SYTL5: variants seen among roughly 807,000 people sequenced by gnomAD.
SYTL5 encodes synaptotagmin-like protein 5.
In SYTL5, 34 loss-of-function variants were observed where a neutral mutation model predicts 55.9. The ratio of observed to expected loss-of-function variants is 0.61; its 90% CI spans 0.46 to 0.81. The LOEUF (loss-of-function observed/expected upper bound fraction) is 0.81. Ranked by LOEUF, SYTL5 falls within the 30% of genes least tolerant of loss-of-function variation. The probability of loss-of-function intolerance (pLI) is 0.00; values close to 1 mark genes in which losing one functional copy is unlikely to be tolerated. For synonymous variants in SYTL5, 221 were observed against 188.7 expected (o/e 1.17, Z -1.40); for missense variants, 637 against 546.7 (o/e 1.17, Z -1.65).
At chrX:38,122,030 A>ATTTTTTTTTTT in intron 14 of SYTL5, 50 bp from the exon 15 acceptor site, 1 of 1,054,784 alleles carries the variant, frequency 9.5e-7, no homozygotes, top group African/African-American at 1.9e-5. Flanking sequence ...TGATTTATCT[A>ATTTTTTTTTTT]TTTTTTTTTC....
chrX:37,896,971 G>C, the SYTL5 span, among the ~76,000 whole-genome samples: 102 of 111,865 alleles, frequency 9.1e-4, no homozygotes, highest in East Asian at 0.028. Context: ...GTGTGTAGAG[G>C]AGGGGCTGTT....
At chrX:37,990,943 T>C in the SYTL5 span, 1 of 1,211,678 alleles carries the variant, frequency 8.3e-7, no homozygotes, top group Non-Finnish European at 1.1e-6. Flanking sequence ...GTGGACCGCG[T>C]TGTGCAAGAT....
the SYTL5 span, among the ~76,000 whole-genome samples, chrX:37,954,541 C>T: frequency 8.9e-6 from 1 of 111,831 alleles, no homozygotes; most frequent in African/African-American, 3.2e-5. Flanking sequence ...TTACTTATTT[C>T]TGGCATTCTG....
chrX:38,090,600 TACAA>T (rs1269298894), intron 7 of SYTL5, among the ~76,000 whole-genome samples: 1 of 112,233 alleles, frequency 8.9e-6, no homozygotes, highest in Non-Finnish European at 1.9e-5. Flanking sequence ...GTTCATACAA[TACAA>T]ACAATTATTT....
chrX:37,960,810 A>ATTTATTTTTTTTATTTT, the SYTL5 span, among the ~76,000 whole-genome samples: 4 of 88,565 alleles, frequency 4.5e-5, no homozygotes, highest in African/African-American at 1.6e-4. Context: ...TTATTTATTT[A>ATTTATTTTTTTTATTTT]TTTGAGATGG....
At chrX:37,925,251 A>G in the SYTL5 span, among the ~76,000 whole-genome samples, 15 of 111,972 alleles carry the variant, frequency 1.3e-4, no homozygotes, top group Admixed American at 7.6e-4. Flanking sequence ...TCTATTGTGT[A>G]TATATACCAC....
At chrX:37,985,621 A>AACAT in the SYTL5 span, among the ~76,000 whole-genome samples, 3 of 110,432 alleles carry the variant, frequency 2.7e-5, no homozygotes, top group Admixed American at 1.9e-4. Flanking sequence ...CTACAGATTT[A>AACAT]ACATAATCCA....
chrX:38,015,985 G>T (rs1386049530), intron 1 of SYTL5, among the ~76,000 whole-genome samples: 1 of 111,320 alleles, frequency 9.0e-6, no homozygotes, highest in Non-Finnish European at 1.9e-5. Context: ...ACAAATCACT[G>T]GGGGACCTTG....
the SYTL5 span, among the ~76,000 whole-genome samples, chrX:37,901,971 A>G: frequency 8.9e-6 from 1 of 112,142 alleles, no homozygotes; most frequent in Non-Finnish European, 1.9e-5. Flanking sequence ...TATACACAAT[A>G]TCTTCTGCTA....
At chrX:37,906,412 T>C in the SYTL5 span, 1 of 112,135 alleles carries the variant, frequency 8.9e-6, no homozygotes, top group African/African-American at 3.2e-5. Flanking sequence ...GTTTTATTTG[T>C]TTCGTGTATT....
intron 1 of SYTL5, among the ~76,000 whole-genome samples, chrX:38,030,725 G>C (rs551413597): frequency 4.2e-4 from 47 of 112,344 alleles, no homozygotes; most frequent in African/African-American, 1.3e-3. Context: ...GGCCACCGTT[G>C]TAAAATGGTG....
chrX:38,018,426 G>A (rs1481168087), intron 1 of SYTL5, among the ~76,000 whole-genome samples: 2 of 111,733 alleles, frequency 1.8e-5, no homozygotes, highest in East Asian at 2.8e-4. Context: ...CATCTGATAA[G>A]CTATAAACAG....
At chrX:38,017,422 T>C (rs777288019) in intron 1 of SYTL5, among the ~76,000 whole-genome samples, 289 of 111,294 alleles carry the variant, frequency 2.6e-3, no homozygotes, top group Middle Eastern at 4.6e-3. Context: ...GTTTACTTGA[T>C]TGTTTAGTTG....
chrX:38,114,175 CT>C (rs749858457), intron 13 of SYTL5, among the ~76,000 whole-genome samples: 4 of 111,520 alleles, frequency 3.6e-5, no homozygotes, highest in Non-Finnish European at 7.5e-5. Context: ...ACACACTCCC[CT>C]GATCACATTT....
rs766046130 is a variant in SYTL5 at position 38,093,214 on chromosome X, G to A, written c.832-1081G>A. On this transcript the variant is annotated intron_variant, in intron 7 of 16. Coordinates refer to ENST00000297875, the MANE Select transcript of SYTL5 (RefSeq NM_138780.3). Reference sequence around the variant, plus strand: ...GATACTAAAAACAGTCTAAATTGAAGCTGAATCAATTAGCATATTAAGCAA... The same window carrying A: ...GATACTAAAAACAGTCTAAATTGAAACTGAATCAATTAGCATATTAAGCAA... 3.6e-5 allele frequency among the ~76,000 whole-genome samples: 4 copies of A among 112,070 alleles called. No individual in the cohort carries two copies. In the East Asian group the frequency reaches 1.1e-3, roughly 31 times the overall value.
At chrX:38,073,893 C>T (rs1936327946) in intron 5 of SYTL5, among the ~76,000 whole-genome samples, 195 bp downstream of exon 5, 1 of 111,647 alleles carries the variant, frequency 9.0e-6, no homozygotes, top group African/African-American at 3.3e-5. Context: ...AATAAAAGTC[C>T]TGTCTGACCT....
intron 13 of SYTL5, among the ~76,000 whole-genome samples, chrX:38,111,085 G>A (rs1032117089): frequency 8.9e-6 from 1 of 111,864 alleles, no homozygotes; most frequent in Non-Finnish European, 1.9e-5. Context: ...TTAAGTGACT[G>A]GAGTCTCTAT....
chrX:38,080,209 G>A (rs896965335), intron 6 of SYTL5, among the ~76,000 whole-genome samples: 5 of 111,108 alleles, frequency 4.5e-5, no homozygotes, highest in African/African-American at 1.6e-4. Flanking sequence ...GGAATCTGAG[G>A]GAGATGCCAA....
At chrX:37,898,632 A>G in the SYTL5 span, among the ~76,000 whole-genome samples, 6 of 112,360 alleles carry the variant, frequency 5.3e-5, no homozygotes, top group South Asian at 1.8e-3. Context: ...CTTCTGAAAT[A>G]GATTATTAGT....
Sources: allele counts gnomAD v4.1 joint callset (sites outside exome capture counted in the v4.1 genomes callset), GRCh38; gene constraint gnomAD v4.1.1; transcripts MANE v1.5; gene names NCBI Gene and HGNC (gene_info 2026-07-23, HGNC 2026-07-21).